CPNE8: variants seen among roughly 807,000 people sequenced by gnomAD.
CPNE8 encodes copine 8, also known as copine-8.
CPNE8 carries 45 observed loss-of-function variants against 81.5 expected under a neutral mutation model. The observed-to-expected ratio is 0.55, with a 90% CI of 0.44 to 0.71. The LOEUF is 0.71. Ranked by LOEUF, CPNE8 falls within the 30% of genes least tolerant of loss-of-function variation. The pLI, the probability that CPNE8 is intolerant of heterozygous loss-of-function variation, is 0.00. For synonymous variants in CPNE8, 252 were observed against 226.3 expected (o/e 1.11, Z -1.02); for missense variants, 594 against 672.1 (o/e 0.88, Z 1.28).
At chr12:38,739,190 G>A (rs1023813823) in intron 10 of CPNE8, among the ~76,000 whole-genome samples, 1 of 152,064 alleles carries the variant, frequency 6.6e-6, no homozygotes, top group South Asian at 2.1e-4. Flanking sequence ...GTCTTATATG[G>A]TTTTTGAAGA....
intron 10 of CPNE8, among the ~76,000 whole-genome samples, chr12:38,758,365 T>A (rs1436639257): frequency 1.3e-5 from 2 of 152,090 alleles, no homozygotes; most frequent in African/African-American, 4.8e-5. Context: ...CAATTTCAGA[T>A]AATAAAAAAA....
chr12:38,759,837 T>C, intron 10 of CPNE8, among the ~76,000 whole-genome samples: 1 of 152,198 alleles, frequency 6.6e-6, no homozygotes, highest in East Asian at 1.9e-4. Flanking sequence ...GGCATGTGGC[T>C]CTGCAACTGA....
chr12:38,689,099 A>C (rs1939609872), intron 15 of CPNE8, among the ~76,000 whole-genome samples: 1 of 152,254 alleles, frequency 6.6e-6, no homozygotes, highest in South Asian at 2.1e-4. Context: ...TTTTTTAAAA[A>C]ATAAGCACAT....
chr12:38,670,601 T>G, intron 19 of CPNE8, 128 bp downstream of exon 19: 1 of 599,732 alleles, frequency 1.7e-6, no homozygotes, highest in Non-Finnish European at 2.8e-6. Context: ...ATATATTTAG[T>G]TTTTGTTGAG....
At chr12:38,717,206 C>T (rs1940417245) in intron 13 of CPNE8, among the ~76,000 whole-genome samples, 1 of 151,596 alleles carries the variant, frequency 6.6e-6, no homozygotes, top group African/African-American at 2.4e-5. Flanking sequence ...CAAATTAGTA[C>T]AACCACTATG....
chr12:38,854,093 G>A (rs1331238513), intron 3 of CPNE8, among the ~76,000 whole-genome samples: 1 of 151,876 alleles, frequency 6.6e-6, no homozygotes, highest in East Asian at 1.9e-4. Flanking sequence ...GATGAGTACG[G>A]GAGTACGGTA....
chr12:38,823,786 G>C (rs138894302), intron 6 of CPNE8, among the ~76,000 whole-genome samples: 2 of 152,092 alleles, frequency 1.3e-5, no homozygotes, highest in Admixed American at 1.3e-4. Flanking sequence ...CTTGCATTTC[G>C]GAAGGCTTTG....
intron 10 of CPNE8, among the ~76,000 whole-genome samples, chr12:38,739,465 A>C (rs992680260): frequency 6.6e-6 from 1 of 152,156 alleles, no homozygotes. Context: ...ACTCTTCTTT[A>C]AAATATGCAT....
Position 38,791,475 on chromosome 12 carries a change from G to A in CPNE8, c.408-15174C>T, listed in dbSNP as rs184449541. ...GAAAAACTTATTGGTTGAAAAAAAG[G>A]AATAAAAATAGAGAAGAGAGTACTT... is the stretch of plus-strand genomic sequence containing the variant. On this transcript the variant is annotated intron_variant, in intron 6 of 19. Coordinates refer to ENST00000331366, the MANE Select transcript of CPNE8 (RefSeq NM_153634.3). 1.4e-3 allele frequency among the ~76,000 whole-genome samples: 215 copies of A among 151,194 alleles called. 1 individual carries two copies. The highest frequency in any genetic ancestry group is 4.9e-3 in the African/African-American group (203 of 41,342).
intron 18 of CPNE8, among the ~76,000 whole-genome samples, chr12:38,673,155 A>T (rs943842801): frequency 1.3e-5 from 2 of 152,064 alleles, no homozygotes; most frequent in Non-Finnish European, 2.9e-5. Context: ...GCCCTCTCAC[A>T]TGCTCTCTCT....
chr12:38,793,064 G>A (rs1027335892), intron 6 of CPNE8, among the ~76,000 whole-genome samples: 1 of 150,588 alleles, frequency 6.6e-6, no homozygotes, highest in Non-Finnish European at 1.5e-5. Context: ...AGAAACAGAA[G>A]AAAATTACTT....
intron 15 of CPNE8, 54 bp downstream of exon 15, chr12:38,693,603 A>T: frequency 6.8e-7 from 1 of 1,461,740 alleles, no homozygotes; most frequent in Non-Finnish European, 9.4e-7. Flanking sequence ...AAGCAATATT[A>T]AAAGGTCTAA....
At chr12:38,891,746 C>T (rs1056386794) in intron 1 of CPNE8, among the ~76,000 whole-genome samples, 32 of 152,102 alleles carry the variant, frequency 2.1e-4, no homozygotes, top group African/African-American at 7.0e-4. Context: ...CACAACCAGC[C>T]AATATAAACT....
intron 19 of CPNE8, among the ~76,000 whole-genome samples, chr12:38,667,264 T>C (rs1272242869): frequency 6.6e-6 from 1 of 152,204 alleles, no homozygotes. Flanking sequence ...AGAATTGGTT[T>C]ACAATATTTT....
At chr12:38,678,400 T>A (rs767143536) in intron 16 of CPNE8, among the ~76,000 whole-genome samples, 4 of 151,960 alleles carry the variant, frequency 2.6e-5, no homozygotes, top group African/African-American at 4.8e-5. Context: ...ATATTCTCAA[T>A]AGAGATAATT....
chr12:38,808,609 G>T (rs1308049436), intron 6 of CPNE8, among the ~76,000 whole-genome samples: 37 of 116,890 alleles, frequency 3.2e-4, no homozygotes, highest in Admixed American at 8.2e-4. Flanking sequence ...GTTGTGGGGT[G>T]GGGGGAGGGG....
intron 6 of CPNE8, among the ~76,000 whole-genome samples, chr12:38,815,469 G>A: frequency 6.6e-6 from 1 of 152,172 alleles, no homozygotes. Flanking sequence ...AATAAAAGAT[G>A]CATGCAAGTA....
intron 14 of CPNE8, among the ~76,000 whole-genome samples, chr12:38,695,909 C>T (rs188063195): frequency 5.9e-5 from 9 of 152,158 alleles, no homozygotes; most frequent in African/African-American, 1.9e-4. Context: ...TCACTGTACT[C>T]CAGCCTGAGC....
At chr12:38,813,534 G>A (rs1277442249) in intron 6 of CPNE8, among the ~76,000 whole-genome samples, 2 of 152,120 alleles carry the variant, frequency 1.3e-5, no homozygotes, top group Non-Finnish European at 2.9e-5. Flanking sequence ...ATTTCTTTGG[G>A]ACATCTATGT....
Sources: allele counts gnomAD v4.1 joint callset (sites outside exome capture counted in the v4.1 genomes callset), GRCh38; gene constraint gnomAD v4.1.1; transcripts MANE v1.5; gene names NCBI Gene and HGNC (gene_info 2026-07-23, HGNC 2026-07-21).